SMYD3: variants seen among roughly 807,000 people sequenced by gnomAD.
SMYD3 encodes SET and MYND domain containing 3, also known as histone-lysine N-methyltransferase SMYD3.
Under a neutral mutation model 57.7 loss-of-function variants are expected in SMYD3, and 36 were observed. The observed-to-expected ratio is 0.62, with a 90% CI of 0.48 to 0.82. The LOEUF (loss-of-function observed/expected upper bound fraction) is 0.82. SMYD3 is among the 40% of genes least tolerant of loss of function. SMYD3 has a pLI of 0.00. For synonymous variants in SMYD3, 211 were observed against 195.0 expected (o/e 1.08, Z -0.68); for missense variants, 515 against 538.8 (o/e 0.96, Z 0.44).
chr1:246,002,132 G>A (rs1488070402), intron 5 of SMYD3, among the ~76,000 whole-genome samples: 1 of 152,074 alleles, frequency 6.6e-6, no homozygotes, highest in Non-Finnish European at 1.5e-5. Context: ...ACTGAGAAGC[G>A]CATGCCAGTT....
intron 5 of SMYD3, among the ~76,000 whole-genome samples, chr1:245,933,108 T>G (rs2147860679): frequency 6.6e-6 from 1 of 152,310 alleles, no homozygotes; most frequent in South Asian, 2.1e-4. Context: ...CTCAATAATT[T>G]GAAAGGAATT....
intron 5 of SMYD3, among the ~76,000 whole-genome samples, chr1:246,129,804 G>A (rs921522719): frequency 3.3e-5 from 5 of 152,036 alleles, no homozygotes; most frequent in Non-Finnish European, 7.4e-5. Flanking sequence ...ACTGAAAAAT[G>A]GATATAAGCC....
At chr1:245,830,330 T>A (rs2049760158) in intron 10 of SMYD3, among the ~76,000 whole-genome samples, 1 of 152,202 alleles carries the variant, frequency 6.6e-6, no homozygotes, top group South Asian at 2.1e-4. Flanking sequence ...AGGCACGTCC[T>A]ACATGGCGGC....
chr1:246,006,770 G>A lies in SMYD3; in HGVS notation c.532-76833C>T, dbSNP rs570628504. 6.6e-5 allele frequency among the ~76,000 whole-genome samples: 10 copies of A among 152,000 alleles called. No individual in the cohort carries two copies. In the East Asian group the frequency reaches 1.7e-3, roughly 27 times the overall value. ...AGCTGTCTCGGAAGGAGCCCTCCAC[G>A]CAGACCCCACAGCTATATTAACTGT... On this transcript the variant is annotated intron_variant, in intron 5 of 11. Coordinates refer to ENST00000490107, the MANE Select transcript of SMYD3 (RefSeq NM_001167740.2).
At chr1:245,793,258 G>A (rs370854614) in intron 10 of SMYD3, among the ~76,000 whole-genome samples, 37 of 151,666 alleles carry the variant, frequency 2.4e-4, no homozygotes, top group South Asian at 1.9e-3. Context: ...GAAGTGAGCC[G>A]AGATCGTGCC....
intron 5 of SMYD3, among the ~76,000 whole-genome samples, chr1:245,931,766 C>T (rs1298065505): frequency 6.6e-6 from 1 of 152,156 alleles, no homozygotes. Flanking sequence ...TGAAAGAACA[C>T]GAAGTATGAA....
At chr1:245,836,825 G>A (rs1190219327) in intron 10 of SMYD3, among the ~76,000 whole-genome samples, 1 of 152,100 alleles carries the variant, frequency 6.6e-6, no homozygotes, top group African/African-American at 2.4e-5. Flanking sequence ...AAAGCAAAAC[G>A]ACAAGCACGC....
chr1:245,772,195 G>C (rs933340831), intron 10 of SMYD3, among the ~76,000 whole-genome samples: 4 of 152,212 alleles, frequency 2.6e-5, no homozygotes, highest in African/African-American at 9.6e-5. Context: ...CTCTATGTGA[G>C]TAACAGAAAG....
intron 5 of SMYD3, among the ~76,000 whole-genome samples, chr1:245,990,352 G>C (rs1250685445): frequency 6.6e-6 from 1 of 152,194 alleles, no homozygotes; most frequent in Non-Finnish European, 1.5e-5. Context: ...GCATCCCAAA[G>C]TGCTGGGATT....
intron 1 of SMYD3, among the ~76,000 whole-genome samples, chr1:246,411,276 T>C (rs1404553122): frequency 6.6e-6 from 1 of 152,158 alleles, no homozygotes; most frequent in Non-Finnish European, 1.5e-5. Context: ...CACAATGAGA[T>C]ACCATCTCAC....
rs572924983 is a variant in SMYD3, at chr1:246,503,070, A to C, written c.164+3984T>G. 5.3e-5 allele frequency among the ~76,000 whole-genome samples: 8 copies of C among 152,292 alleles called. No individual in the cohort carries two copies. The South Asian group carries it at 1.7e-3, about 32-fold the overall frequency. ...TAAGGAGCAGAGCAAAAGGCCTTCT[A>C]CTGCTGACCGTCCCCTCAACCCATT... is the stretch of plus-strand genomic sequence containing the variant. On this transcript the variant is annotated intron_variant, in intron 1 of 11. Transcript: ENST00000490107.
At chr1:246,295,037 G>C (rs2064766403) in intron 5 of SMYD3, among the ~76,000 whole-genome samples, 1 of 152,096 alleles carries the variant, frequency 6.6e-6, no homozygotes, top group African/African-American at 2.4e-5. Context: ...GTTATTCACT[G>C]TGAATAATAT....
At chr1:245,970,042 T>C (rs1250019754) in intron 5 of SMYD3, among the ~76,000 whole-genome samples, 1 of 152,196 alleles carries the variant, frequency 6.6e-6, no homozygotes, top group East Asian at 1.9e-4. Context: ...GGAGGCATCA[T>C]GCTACCTGAC....
At chr1:246,481,937 A>T (rs1448019497) in intron 1 of SMYD3, among the ~76,000 whole-genome samples, 1 of 151,694 alleles carries the variant, frequency 6.6e-6, no homozygotes, top group African/African-American at 2.4e-5. Context: ...CAGGAGGATC[A>T]CTCGAGTCCT....
intron 8 of SMYD3, among the ~76,000 whole-genome samples, chr1:245,877,718 T>C (rs1386034827): frequency 6.6e-6 from 1 of 152,180 alleles, no homozygotes; most frequent in Non-Finnish European, 1.5e-5. Flanking sequence ...TGGCGAAGCC[T>C]TCCGGTGAGA....
At chr1:246,078,159 C>A (rs1404310891) in intron 5 of SMYD3, among the ~76,000 whole-genome samples, 1 of 152,088 alleles carries the variant, frequency 6.6e-6, no homozygotes, top group Non-Finnish European at 1.5e-5. Context: ...CTGCCCCAAA[C>A]ACTCCTTATT....
chr1:246,297,919 C>T (rs897731757), intron 5 of SMYD3, among the ~76,000 whole-genome samples: 1 of 152,092 alleles, frequency 6.6e-6, no homozygotes, highest in Admixed American at 6.6e-5. Flanking sequence ...GTTAACAGGA[C>T]ATCTTGAATT....
chr1:245,953,686 C>T (rs576352130), intron 5 of SMYD3, among the ~76,000 whole-genome samples: 12 of 152,008 alleles, frequency 7.9e-5, no homozygotes, highest in African/African-American at 1.7e-4. Flanking sequence ...CCCAAAGTGC[C>T]GGGATCACAG....
At chr1:246,204,877 CAG>C (rs555704228) in intron 5 of SMYD3, among the ~76,000 whole-genome samples, 468 of 152,344 alleles carry the variant, frequency 3.1e-3, no homozygotes, top group Middle Eastern at 6.8e-3. Flanking sequence ...GGCCTTGACT[CAG>C]AATCTCCTGG....
Sources: gnomAD v4.1 joint callset for allele counts (sites outside exome capture counted in the v4.1 genomes callset) on GRCh38, gnomAD v4.1.1 for gene constraint, MANE v1.5 for transcripts, NCBI Gene and HGNC (gene_info 2026-07-23, HGNC 2026-07-21) for gene names.